Variants in SNTG1 observed in about 807,000 individuals in gnomAD.
The protein encoded by SNTG1 is syntrophin gamma 1.
A neutral mutation model predicts 74.7 loss-of-function variants in SNTG1; 39 were observed. That is an observed-to-expected ratio of 0.52 (90% CI 0.40 to 0.68). The LOEUF (loss-of-function observed/expected upper bound fraction) is 0.68, where lower values mean the gene tolerates loss of function less well. SNTG1 is among the 30% of genes least tolerant of loss of function. The pLI, the probability that SNTG1 is intolerant of heterozygous loss-of-function variation, is 0.00. For synonymous variants in SNTG1, 254 were observed against 217.1 expected, an observed-to-expected ratio of 1.17 and a Z score of -1.49; for missense variants, 685 against 609.5, an observed-to-expected ratio of 1.12 and a Z score of -1.30.
In SNTG1 at chr8:50,792,488, A is replaced by C. The variant is rs2095693849; in HGVS notation, c.1396-183A>C. Among the ~76,000 whole-genome samples the C allele has an allele frequency of 4.6e-5, 7 of 151,862 alleles. No individual in the cohort carries two copies. The South Asian group carries it at 1.5e-3, about 31-fold the overall frequency. On this transcript the variant is annotated intron_variant, in intron 18 of 18. Transcript: ENST00000642720. The stretch of plus-strand genomic sequence containing the variant: ...CTCTTATCCACCATGTATTGAAATA[A>C]ATTTTCACTACTTACGATGTTTACA...
intron 13 of SNTG1, among the ~76,000 whole-genome samples, chr8:50,597,380 C>CACATATACACGTATATATACACATATAT (rs1563627880): frequency 6.8e-4 from 89 of 131,062 alleles, no homozygotes; most frequent in Middle Eastern, 4.4e-3. Flanking sequence ...TGTATATATA[C>CACATATACACGTATATATACACATATAT]ACATATATAC....
chr8:50,730,444 A>G (rs1162303150), intron 17 of SNTG1, among the ~76,000 whole-genome samples: 1 of 152,188 alleles, frequency 6.6e-6, no homozygotes. Context: ...TTTTGGCACT[A>G]CTCAGCACTC....
chr8:50,296,878 C>A (rs530265627), intron 2 of SNTG1, among the ~76,000 whole-genome samples: 1 of 152,126 alleles, frequency 6.6e-6, no homozygotes, highest in Non-Finnish European at 1.5e-5. Flanking sequence ...AATTAGTTAT[C>A]CTGCTTATTA....
At chr8:50,636,718 G>A (rs907999406) in intron 13 of SNTG1, among the ~76,000 whole-genome samples, 1 of 152,100 alleles carries the variant, frequency 6.6e-6, no homozygotes, top group Non-Finnish European at 1.5e-5. Context: ...GCAGCGTGAT[G>A]TTAAAATCAG....
Position 50,069,111 on chromosome 8 carries a change from G to A in SNTG1, c.-102-103450G>A, listed in dbSNP as rs561436138. Among the ~76,000 whole-genome samples the A allele has an allele frequency of 9.2e-5, 14 of 152,262 alleles. No individual in the cohort carries two copies. The South Asian group carries it at 2.5e-3, about 27-fold the overall frequency. ...ACCTTCCTTTCAAAGCTAGATGCTAGGGTGACAGAAAAGGTTTATAAAGGA... is the reference window on the plus strand; with the variant it reads ...ACCTTCCTTTCAAAGCTAGATGCTAAGGTGACAGAAAAGGTTTATAAAGGA... On this transcript the variant is annotated intron_variant, in intron 1 of 18. Coordinates refer to ENST00000642720, the MANE Select transcript of SNTG1 (RefSeq NM_018967.5).
intron 2 of SNTG1, among the ~76,000 whole-genome samples, chr8:50,345,700 C>T (rs566501698): frequency 1.3e-5 from 2 of 152,262 alleles, no homozygotes; most frequent in South Asian, 4.2e-4. Context: ...AGACGTTTAT[C>T]AATTTTTCAG....
At chr8:50,770,233 T>C (rs1309328475) in intron 18 of SNTG1, among the ~76,000 whole-genome samples, 2 of 152,142 alleles carry the variant, frequency 1.3e-5, no homozygotes, top group Non-Finnish European at 2.9e-5. Context: ...GTAATGACTT[T>C]TGAAATTCCA....
At chr8:50,567,483 T>C (rs1247073013) in intron 12 of SNTG1, among the ~76,000 whole-genome samples, 2 of 152,136 alleles carry the variant, frequency 1.3e-5, no homozygotes, top group African/African-American at 4.8e-5. Context: ...TGTGTATAAA[T>C]GTATATGTAT....
intron 2 of SNTG1, among the ~76,000 whole-genome samples, chr8:50,212,020 A>T (rs1201068466): frequency 6.6e-6 from 1 of 152,200 alleles, no homozygotes; most frequent in East Asian, 1.9e-4. Flanking sequence ...AAATTTCCAT[A>T]ATAATTTTAA....
intron 2 of SNTG1, among the ~76,000 whole-genome samples, chr8:50,213,603 T>A (rs894622884): frequency 5.9e-5 from 9 of 152,146 alleles, no homozygotes; most frequent in Non-Finnish European, 8.8e-5. Flanking sequence ...GTTTCCTGAC[T>A]TTTTAATGAT....
chr8:50,628,523 A>T (rs78093560), intron 13 of SNTG1, among the ~76,000 whole-genome samples: 5,721 of 151,868 alleles, frequency 0.038, 177 homozygotes, highest in African/African-American at 0.076. Flanking sequence ...ATCTTTTTAC[A>T]TTTATCTTTT....
At chr8:50,652,734 T>C (rs1585967518) in intron 13 of SNTG1, among the ~76,000 whole-genome samples, 1 of 151,832 alleles carries the variant, frequency 6.6e-6, no homozygotes, top group African/African-American at 2.4e-5. Context: ...GAGGTGGAGG[T>C]TGCAGTGAGC....
At chr8:50,639,686 A>G (rs966821152) in intron 13 of SNTG1, among the ~76,000 whole-genome samples, 7 of 152,080 alleles carry the variant, frequency 4.6e-5, no homozygotes, top group Non-Finnish European at 8.8e-5. Flanking sequence ...TTTTAAAAAT[A>G]CTTATATTTA....
intron 8 of SNTG1, among the ~76,000 whole-genome samples, chr8:50,486,256 C>T (rs199778701): frequency 2.1e-5 from 3 of 144,064 alleles, no homozygotes; most frequent in Non-Finnish European, 3.1e-5. Context: ...GCCATTTTCA[C>T]GATATTGATT....
chr8:50,311,991 T>C (rs536044827), intron 2 of SNTG1, among the ~76,000 whole-genome samples: 28 of 152,276 alleles, frequency 1.8e-4, no homozygotes, highest in African/African-American at 6.5e-4. Context: ...AAGAATAGAT[T>C]CTCCTTAATA....
At chr8:50,387,929 T>C (rs2131273537) in intron 2 of SNTG1, among the ~76,000 whole-genome samples, 1 of 152,308 alleles carries the variant, frequency 6.6e-6, no homozygotes, top group Admixed American at 6.5e-5. Context: ...AGGGGTTCAC[T>C]GAGCTCAGCT....
chr8:50,015,701 C>A (rs1008072373), intron 1 of SNTG1, among the ~76,000 whole-genome samples: 3 of 152,068 alleles, frequency 2.0e-5, no homozygotes, highest in African/African-American at 7.2e-5. Context: ...TCAAACACAT[C>A]TTTATTAATC....
intron 18 of SNTG1, among the ~76,000 whole-genome samples, chr8:50,757,940 G>A (rs534263542): frequency 1.3e-5 from 2 of 151,750 alleles, no homozygotes; most frequent in African/African-American, 4.8e-5. Context: ...ATTCACAGGT[G>A]GTGTATCTTA....
intron 1 of SNTG1, among the ~76,000 whole-genome samples, chr8:49,973,344 C>T (rs1178802200): frequency 6.6e-6 from 1 of 151,010 alleles, no homozygotes; most frequent in East Asian, 2.0e-4. Context: ...AGGGGAACAT[C>T]ACACACCAGG....
Sources: allele counts gnomAD v4.1 joint callset (sites outside exome capture counted in the v4.1 genomes callset), GRCh38; gene constraint gnomAD v4.1.1; transcripts MANE v1.5; gene names NCBI Gene and HGNC (gene_info 2026-07-23, HGNC 2026-07-21).